Variants in SUPT3H observed in about 807,000 individuals in gnomAD.
SUPT3H encodes transcription initiation protein SPT3 homolog.
SUPT3H carries 44 observed loss-of-function variants against 44.3 expected under a neutral mutation model. That is an observed-to-expected ratio of 0.99 (90% CI 0.78 to 1.28). The LOEUF (loss-of-function observed/expected upper bound fraction) is 1.28. Among genes scored for constraint, SUPT3H ranks in the 50% most tolerant of loss-of-function variants. The pLI, the probability that SUPT3H is intolerant of heterozygous loss-of-function variation, is 0.00. For missense variants in SUPT3H, 380 were observed against 387.1 expected (o/e 0.98, Z 0.15); for synonymous variants, 124 against 125.6 (o/e 0.99, Z 0.09).
intron 3 of SUPT3H, among the ~76,000 whole-genome samples, chr6:45,103,342 T>TTA (rs1488596002): frequency 6.6e-6 from 1 of 152,206 alleles, no homozygotes. Flanking sequence ...GGATTTCTCA[T>TTA]TATAAGTAAA....
intron 2 of SUPT3H, among the ~76,000 whole-genome samples, chr6:45,200,480 G>T (rs1294711620): frequency 1.3e-5 from 2 of 151,368 alleles, no homozygotes; most frequent in African/African-American, 4.8e-5. Flanking sequence ...AACTTAACAA[G>T]ATCCTAAAGC....
At chr6:45,123,032 T>C (rs945423570) in intron 2 of SUPT3H, among the ~76,000 whole-genome samples, 2 of 152,230 alleles carry the variant, frequency 1.3e-5, no homozygotes, top group Non-Finnish European at 2.9e-5. Context: ...AGTGGAATAC[T>C]AAATAAATAT....
At chr6:44,834,027 G>T (rs1386019838) in intron 10 of SUPT3H, among the ~76,000 whole-genome samples, 1 of 152,238 alleles carries the variant, frequency 6.6e-6, no homozygotes, top group South Asian at 2.1e-4. Context: ...GTATAGTATA[G>T]AACATTGCAC....
chr6:45,050,541 C>T (rs1046432246), intron 3 of SUPT3H, among the ~76,000 whole-genome samples: 4 of 151,970 alleles, frequency 2.6e-5, no homozygotes, highest in African/African-American at 9.7e-5. Context: ...TCATTTGAAC[C>T]TATAAATTAA....
At chr6:44,897,923 T>C (rs1161555325) in intron 10 of SUPT3H, among the ~76,000 whole-genome samples, 1 of 152,260 alleles carries the variant, frequency 6.6e-6, no homozygotes, top group East Asian at 1.9e-4. Flanking sequence ...CAAATCATAC[T>C]GTATTTTCTT....
At chr6:45,293,509 G>T (rs1780633355) in intron 2 of SUPT3H, among the ~76,000 whole-genome samples, 1 of 138,884 alleles carries the variant, frequency 7.2e-6, no homozygotes, top group Non-Finnish European at 1.6e-5. Flanking sequence ...AAACGAAACT[G>T]AAACAATCAA....
Position 44,829,861 on chromosome 6 carries a change from T to G in SUPT3H, c.913-4A>C, listed in dbSNP as rs770767192. ...TCCCATTCCTGCGGTAGGCATTCTG[T>G]CAAAGAAAAAGAAATCTGCAATGAA... On this transcript the variant is annotated splice_polypyrimidine_tract_variant and splice_region_variant and intron_variant, in intron 10 of 10. Coordinates refer to ENST00000371459, the MANE Select transcript of SUPT3H (RefSeq NM_003599.4). 8 of 1,613,088 alleles carry G rather than the reference T, an allele frequency of 5.0e-6. No individual in the cohort carries two copies. In the South Asian group the frequency reaches 7.7e-5, roughly 16 times the overall value.
chr6:44,823,497 C>CT (rs1174271182), downstream of SUPT3H, among the ~76,000 whole-genome samples: 1 of 152,158 alleles, frequency 6.6e-6, no homozygotes, highest in Non-Finnish European at 1.5e-5. Flanking sequence ...ATAGGCCACG[C>CT]AGCCCTACCT....
intron 10 of SUPT3H, among the ~76,000 whole-genome samples, chr6:44,917,721 C>T (rs1768034040): frequency 6.6e-6 from 1 of 152,172 alleles, no homozygotes; most frequent in African/African-American, 2.4e-5. Flanking sequence ...AAGTTCTATC[C>T]TTGCTTACAA....
At chr6:45,304,850 T>C (rs1021370191) in intron 2 of SUPT3H, among the ~76,000 whole-genome samples, 1 of 152,144 alleles carries the variant, frequency 6.6e-6, no homozygotes, top group African/African-American at 2.4e-5. Flanking sequence ...GTCAATAATG[T>C]ACTTAAAATG....
chr6:45,256,333 T>C (rs1296811845), intron 2 of SUPT3H, among the ~76,000 whole-genome samples: 1 of 152,138 alleles, frequency 6.6e-6, no homozygotes, highest in African/African-American at 2.4e-5. Context: ...AAGACACCAG[T>C]ACATTCATTG....
intron 2 of SUPT3H, among the ~76,000 whole-genome samples, chr6:45,310,759 G>A (rs368784322): frequency 6.6e-6 from 1 of 152,032 alleles, no homozygotes. Flanking sequence ...ACCCCCTGTG[G>A]GACAAAAAAA....
intron 2 of SUPT3H, among the ~76,000 whole-genome samples, chr6:45,355,237 C>G (rs1792928709): frequency 6.6e-6 from 1 of 151,298 alleles, no homozygotes; most frequent in African/African-American, 2.4e-5. Context: ...ACTGGGATTA[C>G]AGGCATGAGC....
intron 1 of SUPT3H, among the ~76,000 whole-genome samples, chr6:45,365,671 A>AC (rs1393407875): frequency 1.4e-5 from 2 of 145,876 alleles, no homozygotes; most frequent in Admixed American, 1.4e-4. Context: ...TTCTAGATGG[A>AC]CCCCAAGCAC....
chr6:45,309,119 G>GT (rs1465334028), intron 2 of SUPT3H, among the ~76,000 whole-genome samples: 1 of 150,254 alleles, frequency 6.7e-6, no homozygotes, highest in African/African-American at 2.4e-5. Flanking sequence ...TGATAACACT[G>GT]TGAGTGTTTA....
chr6:45,304,576 C>T (rs1782695694), intron 2 of SUPT3H, among the ~76,000 whole-genome samples: 1 of 152,084 alleles, frequency 6.6e-6, no homozygotes, highest in African/African-American at 2.4e-5. Context: ...AAACAGACCT[C>T]AGAAAGTTTC....
chr6:45,133,938 C>G (rs954939874), intron 2 of SUPT3H, among the ~76,000 whole-genome samples: 1 of 152,126 alleles, frequency 6.6e-6, no homozygotes, highest in Non-Finnish European at 1.5e-5. Context: ...CTGCAAAATT[C>G]TTTTGTTGAA....
chr6:45,330,179 T>C (rs1222895783), intron 2 of SUPT3H, among the ~76,000 whole-genome samples: 4 of 151,928 alleles, frequency 2.6e-5, no homozygotes, highest in African/African-American at 7.2e-5. Context: ...CCCCCTCAGT[T>C]ATAATATATA....
chr6:45,203,765 A>T (rs941604266), intron 2 of SUPT3H, among the ~76,000 whole-genome samples: 5 of 152,080 alleles, frequency 3.3e-5, no homozygotes, highest in African/African-American at 1.2e-4. Context: ...TTTTTCATAC[A>T]ACCTATTTGT....
Sources: gnomAD v4.1 joint callset for allele counts (sites outside exome capture counted in the v4.1 genomes callset) on GRCh38, gnomAD v4.1.1 for gene constraint, MANE v1.5 for transcripts, NCBI Gene and HGNC (gene_info 2026-07-23, HGNC 2026-07-21) for gene names.